The following WIPI2 variants were observed in gnomAD, a reference collection of about 807,000 sequenced individuals.
WIPI2 encodes WD repeat domain phosphoinositide-interacting protein 2.
In WIPI2, 28 loss-of-function variants were observed where a neutral mutation model predicts 52.3. The observed-to-expected ratio is 0.54, with a 90% CI of 0.40 to 0.73. The LOEUF (loss-of-function observed/expected upper bound fraction) is 0.73, where lower values mean the gene tolerates loss of function less well. Ranked by LOEUF, WIPI2 falls within the 30% of genes least tolerant of loss-of-function variation. The probability of loss-of-function intolerance (pLI) is 0.00; values close to 1 mark genes in which losing one functional copy is unlikely to be tolerated. For synonymous variants in WIPI2, 268 were observed against 245.0 expected, an observed-to-expected ratio of 1.09 and a Z score of -0.88; for missense variants, 506 against 602.9, an observed-to-expected ratio of 0.84 and a Z score of 1.68.
Position 5,231,904 on chromosome 7 carries a change from A to G in WIPI2, c.*957A>G, listed in dbSNP as rs1184662107. ...AGAGGTCGTAGCGGGAGACAGCAACAGAGAGTAGGCGGCTGGGCCACGTCC... is the reference window on the plus strand; with the variant it reads ...AGAGGTCGTAGCGGGAGACAGCAACGGAGAGTAGGCGGCTGGGCCACGTCC... On this transcript the variant is annotated 3_prime_UTR_variant, in exon 13 of 13. Transcript: ENST00000288828. 1 of 304,784 alleles carries G rather than the reference A, an allele frequency of 3.3e-6. No individual in the cohort carries two copies. Among genetic ancestry groups the G allele is most frequent in the Admixed American group, 5.1e-5 (1 of 19,608 alleles). 18.9% of individuals were successfully genotyped at this position (304,784 alleles called of 1,614,324 possible). A position where few individuals can be genotyped will look rare whatever the true frequency, so the allele number is the denominator to read the frequency against.
chr7:5,201,329 G>C (rs976395016), intron 3 of WIPI2, among the ~76,000 whole-genome samples: 2 of 152,242 alleles, frequency 1.3e-5, no homozygotes, highest in East Asian at 3.8e-4. Flanking sequence ...ATAAAGAGTG[G>C]AAGAATGCCA....
chr7:5,193,380 T>C (rs1781571766), intron 2 of WIPI2: 2 of 1,328,548 alleles, frequency 1.5e-6, no homozygotes, highest in Non-Finnish European at 2.0e-6. Context: ...TTAAATGCCA[T>C]GTCTAAAAGG....
At chr7:5,197,075 G>A (rs146176896) in intron 2 of WIPI2, among the ~76,000 whole-genome samples, 2,652 of 121,120 alleles carry the variant, frequency 0.022, 108 homozygotes, top group African/African-American at 0.078. Flanking sequence ...TCGCGCTGCT[G>A]CACTCCAGCC....
At chr7:5,220,960 A>ATTTT (rs11361126) in intron 7 of WIPI2, among the ~76,000 whole-genome samples, 7 of 107,536 alleles carry the variant, frequency 6.5e-5, no homozygotes, top group Admixed American at 1.1e-4. Flanking sequence ...CACCCACCTA[A>ATTTT]TTTTTTTTTT....
chr7:5,199,497 TG>T, intron 2 of WIPI2, 78 bp from the exon 3 acceptor site: 2 of 1,301,594 alleles, frequency 1.5e-6, no homozygotes, highest in Non-Finnish European at 2.2e-6. Context: ...GGGAACTCGC[TG>T]GGAACGTGGG....
chr7:5,204,690 T>C lies in WIPI2; in HGVS notation c.211+5032T>C, dbSNP rs191225409. 4.5e-3 allele frequency among the ~76,000 whole-genome samples: 690 copies of C among 151,956 alleles called. 14 individuals are homozygous for C. The highest frequency in any genetic ancestry group is 2.7e-3 in the East Asian group (14 of 5,188). On this transcript the variant is annotated intron_variant, in intron 3 of 12. Transcript: ENST00000288828. ...TTATGGCTGTTACCACTACTACTACTACTGCGTTTTTTTTTTTAAAACACA... is the reference window on the plus strand; with the variant it reads ...TTATGGCTGTTACCACTACTACTACCACTGCGTTTTTTTTTTTAAAACACA...
intron 5 of WIPI2, 196 bp from the exon 6 acceptor site, chr7:5,216,894 A>T: frequency 1.4e-6 from 1 of 706,870 alleles, no homozygotes; most frequent in Non-Finnish European, 2.3e-6. Context: ...AAAGGCCTTT[A>T]ATCTCTTGAC....
chr7:5,229,651 G>A lies in WIPI2; in HGVS notation c.1165G>A (p.Ala389Thr), dbSNP rs979195875. 1 of 1,613,922 alleles carries A rather than the reference G, an allele frequency of 6.2e-7. No individual in the cohort carries two copies. The change falls in exon 12 of 13, where the codon GCC becomes ACC. Residue 389 changes from alanine to threonine, a missense_variant. This residue lies in a region of WIPI2 where 194 missense variants were observed against 175.1 expected (regional missense o/e 1.11). Coordinates refer to ENST00000288828, the MANE Select transcript of WIPI2 (RefSeq NM_015610.4). ...LETTNEILDS[A>T]SHDCPLVTQT... is the part of the protein sequence containing the mutation. ...AACGACCAATGAGATCTTGGACTCTGCCTCTCACGACTGCCCCTTAGTCAC... is the reference window on the plus strand; with the variant it reads ...AACGACCAATGAGATCTTGGACTCTACCTCTCACGACTGCCCCTTAGTCAC...
At chr7:5,210,227 G>C (rs933534827) in intron 3 of WIPI2, among the ~76,000 whole-genome samples, 1 of 152,140 alleles carries the variant, frequency 6.6e-6, no homozygotes, top group Non-Finnish European at 1.5e-5. Flanking sequence ...AACTCCTATA[G>C]ATAGTTGCCT....
At chr7:5,224,560 G>C (rs1342283516) in intron 8 of WIPI2, among the ~76,000 whole-genome samples, 1 of 152,194 alleles carries the variant, frequency 6.6e-6, no homozygotes, top group Non-Finnish European at 1.5e-5. Context: ...TCAGGGAGCA[G>C]AGTTTTTAAG....
At chr7:5,195,425 G>A (rs1015618426) in intron 2 of WIPI2, among the ~76,000 whole-genome samples, 2 of 152,204 alleles carry the variant, frequency 1.3e-5, no homozygotes, top group African/African-American at 4.8e-5. Context: ...GGTTGGGGCT[G>A]CAGTAAGGCG....
chr7:5,197,127 A>C (rs1001113966), intron 2 of WIPI2, among the ~76,000 whole-genome samples: 70 of 147,642 alleles, frequency 4.7e-4, no homozygotes, highest in Non-Finnish European at 3.1e-4. Flanking sequence ...ACAAAAAAAA[A>C]AAAAAAAAAA....
At chr7:5,222,020 G>C (rs2115299911) in intron 7 of WIPI2, among the ~76,000 whole-genome samples, 1 of 147,208 alleles carries the variant, frequency 6.8e-6, no homozygotes, top group Middle Eastern at 3.6e-3. Flanking sequence ...TGCAGTCTCG[G>C]CTCACTGCAA....
intron 3 of WIPI2, among the ~76,000 whole-genome samples, chr7:5,211,906 GCA>G (rs1782581462): frequency 6.6e-6 from 1 of 152,128 alleles, no homozygotes; most frequent in Non-Finnish European, 1.5e-5. Context: ...TTGCAGTGCC[GCA>G]CACACGCCCA....
At chr7:5,229,787 A>G in intron 12 of WIPI2, 49 bp downstream of exon 12, 1 of 1,606,048 alleles carries the variant, frequency 6.2e-7, no homozygotes, top group Non-Finnish European at 8.5e-7. Flanking sequence ...CACAGCCCCG[A>G]GTGCTACTGC....
intron 3 of WIPI2, among the ~76,000 whole-genome samples, chr7:5,205,101 A>G (rs1188503364): frequency 6.6e-6 from 1 of 151,900 alleles, no homozygotes; most frequent in Admixed American, 6.6e-5. Flanking sequence ...TCAGCCTCCC[A>G]AGGAGCTGGG....
rs532020620 is a variant in WIPI2, at chr7:5,230,466, A to G, written c.1253-369A>G. 2.5e-4 allele frequency among the ~76,000 whole-genome samples: 38 copies of G among 152,204 alleles called. No homozygotes were observed. Among genetic ancestry groups the G allele is most frequent in the African/African-American group, 8.9e-4 (37 of 41,544 alleles). Reference sequence around the variant, plus strand: ...GCTGTGCCTGCTCGCTGCCACTCCCATCTGTGAACCGGCACTTCCAGTTCA... The same window carrying G: ...GCTGTGCCTGCTCGCTGCCACTCCCGTCTGTGAACCGGCACTTCCAGTTCA... On this transcript the variant is annotated intron_variant, in intron 12 of 12. Coordinates refer to ENST00000288828, the MANE Select transcript of WIPI2 (RefSeq NM_015610.4). This position sits in a 1 kb window ranked among gnomAD's most constrained non-coding sequence, Gnocchi z 4.8.
At chr7:5,203,388 G>A (rs1265605554) in intron 3 of WIPI2, among the ~76,000 whole-genome samples, 1 of 152,180 alleles carries the variant, frequency 6.6e-6, no homozygotes, top group Non-Finnish European at 1.5e-5. Context: ...GTTATTTCAT[G>A]GCCTCATTCT....
At chr7:5,192,378 C>T (rs1224715352) in intron 1 of WIPI2, among the ~76,000 whole-genome samples, 1 of 152,074 alleles carries the variant, frequency 6.6e-6, no homozygotes, top group Non-Finnish European at 1.5e-5. Context: ...ACATTGTCGG[C>T]CACTCTTTCA....
Sources: gnomAD v4.1 joint callset for allele counts (sites outside exome capture counted in the v4.1 genomes callset) on GRCh38, gnomAD v4.1.1 for gene constraint, gnomAD v4.1.1 regional missense constraint, Gnocchi (gnomAD v3.1) non-coding constraint, MANE v1.5 for transcripts, NCBI Gene and HGNC (gene_info 2026-07-23, HGNC 2026-07-21) for gene names.